Variants in VNN2 observed in about 807,000 individuals in gnomAD.
VNN2 encodes the protein vanin 2, also known as pantetheine hydrolase VNN2.
VNN2 carries 43 observed loss-of-function variants against 43.0 expected under a neutral mutation model. The observed-to-expected ratio is 1.00, with a 90% CI of 0.78 to 1.29. The LOEUF (loss-of-function observed/expected upper bound fraction) is 1.29. Ranked by LOEUF, VNN2 falls within the 50% of genes most tolerant of loss-of-function variation. VNN2 has a pLI of 0.00. For missense variants in VNN2, 652 were observed against 619.7 expected, an observed-to-expected ratio of 1.05 and a Z score of -0.55; for synonymous variants, 230 against 224.3, an observed-to-expected ratio of 1.03 and a Z score of -0.23.
Position 132,751,400 on chromosome 6 carries a change from T to C in VNN2, c.945A>G (p.Pro315=), listed in dbSNP as rs373745423. The C allele has an allele frequency of 3.1e-6, 5 of 1,613,948 alleles. No individual in the cohort carries two copies. The African/African-American group carries it at 5.3e-5, about 17-fold the overall frequency. The change falls in exon 5 of 7, where the codon CCA becomes CCG. Residue 315 remains proline, a synonymous_variant. Transcript: ENST00000326499. ...CGTAGGCATTCCAATTAACAGCTGT[T>C]GGGTAGGCAAGCGAGGATAGGGGAT... The part of the protein sequence containing the change: ...DSHPLSSLAY[P]TAVNWNAYAT...
chr6:132,756,023 T>C lies in VNN2; in HGVS notation c.357A>G (p.Thr119=), dbSNP rs1380454636. Residue 119 remains threonine, a synonymous_variant, in exon 3 of 7, where the codon ACA becomes ACG. Coordinates refer to ENST00000326499, the MANE Select transcript of VNN2 (RefSeq NM_004665.6). ...GGCAGCTGAGTCTTGCTTGTACTGG[T>C]GTGTGACCAAATCTAAACCAAATTA... The part of the protein sequence containing the change: ...PCQDPHRFGH[T]PVQARLSCLA... The C allele has an allele frequency of 1.4e-5, 22 of 1,601,026 alleles. No homozygotes were observed. The highest frequency in any genetic ancestry group is 1.8e-5 in the Non-Finnish European group (21 of 1,175,620).
In VNN2 at chr6:132,744,329, T is replaced by C. The variant is rs762628732; in HGVS notation, c.1534A>G (p.Ile512Val). The change falls in exon 7 of 7, where the codon ATA (isoleucine) becomes GTA (valine). Residue 512 changes from isoleucine to valine, a missense_variant. Physicochemically the swap from Ile to Val is conservative, Grantham distance 29. Coordinates refer to ENST00000326499, the MANE Select transcript of VNN2 (RefSeq NM_004665.6). ...AACATTACAATATTTTGCAAAGCTATGATCATTAATAATATGAATATTAGC... is the reference window on the plus strand; with the variant it reads ...AACATTACAATATTTTGCAAAGCTACGATCATTAATAATATGAATATTAGC... ...YLLIFILLMI[I>V]ALQNIVML 2 of 1,613,008 alleles carry C rather than the reference T, an allele frequency of 1.2e-6. No individual in the cohort carries two copies. The highest frequency in any genetic ancestry group is 3.4e-5 in the Admixed American group (2 of 59,694).
At chr6:132,749,580 G>T in intron 6 of VNN2, 115 bp downstream of exon 6, 1 of 1,095,556 alleles carries the variant, frequency 9.1e-7, no homozygotes, top group Non-Finnish European at 1.3e-6. Flanking sequence ...CTAAAGAAAT[G>T]GTTTTGAGGA....
upstream of VNN2, among the ~76,000 whole-genome samples, chr6:132,759,006 C>T (rs6569846): frequency 5.1e-3 from 773 of 152,104 alleles, 8 homozygotes; most frequent in African/African-American, 0.018. Flanking sequence ...TTCCTCCCTC[C>T]CCACCCCCTG....
chr6:132,752,345 A>G, intron 4 of VNN2, 116 bp downstream of exon 4: 2 of 1,246,822 alleles, frequency 1.6e-6, no homozygotes, highest in Admixed American at 5.3e-5. Flanking sequence ...TTGTGAAACT[A>G]TGACAAACAC....
At chr6:132,755,476 G>A (rs1435429164) in intron 3 of VNN2, among the ~76,000 whole-genome samples, 1 of 149,482 alleles carries the variant, frequency 6.7e-6, no homozygotes, top group Non-Finnish European at 1.5e-5. Flanking sequence ...CTGGGTTCAA[G>A]CAAGTCTCCT....
At chr6:132,760,531 C>CA (rs1243761090), upstream of VNN2, 5 of 151,916 alleles carry the variant, frequency 3.3e-5, no homozygotes, top group Non-Finnish European at 5.9e-5. Context: ...AGACCATAGG[C>CA]AAATTTGCTA....
At chr6:132,756,059 A>G in intron 2 of VNN2, 24 bp from the exon 3 acceptor site, 6 of 1,509,436 alleles carry the variant, frequency 4.0e-6, no homozygotes, top group Non-Finnish European at 5.3e-6. Flanking sequence ...TAATTAAGAA[A>G]TTTCAATTTT....
rs989914747 is a variant in VNN2, at chr6:132,757,523, T to C, written c.237A>G (p.Pro79=). ...AEQGARIIVT[P]EDALYGWKFT... The stretch of plus-strand genomic sequence containing the variant: ...ATTTCCATCCATAAAGTGCATCTTC[T>C]GGAGTCACAATGATTCGAGCACCCT... The change falls in exon 2 of 7, where the codon CCA becomes CCG. Residue 79 remains proline (P), a synonymous_variant. Transcript: ENST00000326499. 6.2e-7 allele frequency: 1 copy of C among 1,613,920 alleles called. No individual in the cohort carries two copies. Among genetic ancestry groups the C allele is most frequent in the Non-Finnish European group, 8.5e-7 (1 of 1,179,998 alleles).
chr6:132,754,955 C>T (rs1299130564), intron 3 of VNN2, among the ~76,000 whole-genome samples: 1 of 152,148 alleles, frequency 6.6e-6, no homozygotes, highest in African/African-American at 2.4e-5. Context: ...GGGAGGACTG[C>T]TTGAGGTGAA....
At chr6:132,762,537 G>T (rs1196376496), upstream of VNN2, among the ~76,000 whole-genome samples, 1 of 152,142 alleles carries the variant, frequency 6.6e-6, no homozygotes, top group South Asian at 2.1e-4. Flanking sequence ...TATTACATAT[G>T]GCTTTAGTGA....
rs1780553536 is a variant in VNN2 at position 132,757,556 on chromosome 6, A to T, written c.214-10T>A. On this transcript the variant is annotated splice_polypyrimidine_tract_variant and intron_variant, in intron 1 of 6. Transcript: ENST00000326499. ...CAATGATTCGAGCACCCTGTTCAAA[A>T]CAAGCAAAATAAAAATGATTTTTCC... is the stretch of plus-strand genomic sequence containing the variant. 6.2e-7 allele frequency: 1 copy of T among 1,611,662 alleles called. No homozygotes were observed. The highest frequency in any genetic ancestry group is 1.3e-5 in the African/African-American group (1 of 74,798).
In VNN2 at chr6:132,751,036, T is replaced by C. The variant is rs575720955; in HGVS notation, c.1200+109A>G. 1.2e-5 allele frequency: 16 copies of C among 1,357,300 alleles called. No homozygotes were observed. The East Asian group carries it at 3.2e-4, about 27-fold the overall frequency. The allele number at this position is 1,357,300 out of a possible 1,614,324, so 84.1% of individuals were successfully genotyped here. A position where few individuals can be genotyped will look rare whatever the true frequency, so the allele number is the denominator to read the frequency against. On this transcript the variant is annotated intron_variant, in intron 5 of 6. Transcript: ENST00000326499. ...TTGTGTGTGTGTGTGTTGCCATCAA[T>C]GCATGGAGTCAAGCCAAGGAAAAGC...
In VNN2 at chr6:132,744,197, A is replaced by G. The variant is rs867866065; in HGVS notation, c.*103T>C. The G allele has an allele frequency of 9.9e-7, 1 of 1,008,882 alleles. No individual in the cohort carries two copies. The highest frequency in any genetic ancestry group is 1.6e-5 in the South Asian group (1 of 60,790). The allele number at this position is 1,008,882 out of a possible 1,614,324, so 62.5% of individuals were successfully genotyped here. A position where few individuals can be genotyped will look rare whatever the true frequency, so the allele number is the denominator to read the frequency against. On this transcript the variant is annotated 3_prime_UTR_variant, in exon 7 of 7. Coordinates refer to ENST00000326499, the MANE Select transcript of VNN2 (RefSeq NM_004665.6). ...AAAAATATTTAGGACTCACTGGTCT[A>G]TACTACTGAAATAGCCCTTCAAAGT...
intron 2 of VNN2, 43 bp downstream of exon 2, chr6:132,757,373 T>G: frequency 6.4e-7 from 1 of 1,555,304 alleles, no homozygotes; most frequent in Non-Finnish European, 8.7e-7. Context: ...GTGCGCATTT[T>G]AGAGAGTTAC....
chr6:132,762,147 A>C (rs1305429371), upstream of VNN2, among the ~76,000 whole-genome samples: 1 of 152,194 alleles, frequency 6.6e-6, no homozygotes, highest in Non-Finnish European at 1.5e-5. Context: ...TGCTAAACCC[A>C]GCGTGGTAGA....
At position 132,757,533 on chromosome 6, in the gene VNN2, A is replaced by G. The variant is rs1407677115; in HGVS notation, c.227T>C (p.Ile76Thr). The change falls in exon 2 of 7, where the codon ATT becomes ACT. Residue 76 changes from isoleucine to threonine, a missense_variant. Transcript: ENST00000326499. Reference protein sequence around the residue: ...KQAAEQGARIIVTPEDALYGW... With the variant: ...KQAAEQGARITVTPEDALYGW... ...ATAAAGTGCATCTTCTGGAGTCACA[A>G]TGATTCGAGCACCCTGTTCAAAACA... is the stretch of plus-strand genomic sequence containing the variant. 7 of 1,613,862 alleles carry G rather than the reference A, an allele frequency of 4.3e-6. No homozygotes were observed. Among genetic ancestry groups the G allele is most frequent in the African/African-American group, 1.3e-5 (1 of 75,040 alleles).
At chr6:132,759,611 G>A (rs1780690288), upstream of VNN2, among the ~76,000 whole-genome samples, 1 of 152,040 alleles carries the variant, frequency 6.6e-6, no homozygotes. Context: ...CTTTTAGACA[G>A]CATAGAAGAG....
At position 132,752,511 on chromosome 6, in the gene VNN2, C is replaced by T. The variant is rs773894418; in HGVS notation, c.776G>A (p.Gly259Glu). The T allele has an allele frequency of 1.5e-5, 25 of 1,613,938 alleles. No individual in the cohort carries two copies. Among genetic ancestry groups the T allele is most frequent in the Admixed American group, 5.0e-5 (3 of 59,990 alleles). ...TGTGTTGGCCACAAGAAGATTAACT[C>T]CCATTCCCATTGCCCAAGCTGAATG... is the stretch of plus-strand genomic sequence containing the variant. ...EFHSAWAMGM[G>E]VNLLVANTHH... The change falls in exon 4 of 7, where the codon GGA becomes GAA. Residue 259 changes from glycine to glutamate, a missense_variant. By Grantham distance (98) the Gly-to-Glu change is moderately conservative. Coordinates refer to ENST00000326499, the MANE Select transcript of VNN2 (RefSeq NM_004665.6).
Sources: gnomAD v4.1 joint callset for allele counts (sites outside exome capture counted in the v4.1 genomes callset) on GRCh38, gnomAD v4.1.1 for gene constraint, MANE v1.5 for transcripts, NCBI Gene and HGNC (gene_info 2026-07-23, HGNC 2026-07-21) for gene names.